The following CBX5 variants were observed in gnomAD, a reference collection of about 807,000 sequenced individuals.
CBX5 encodes the protein chromobox protein homolog 5.
In CBX5, 7 loss-of-function variants were observed where a neutral mutation model predicts 20.7. The ratio of observed to expected loss-of-function variants is 0.34; its 90% CI spans 0.19 to 0.63. The LOEUF (loss-of-function observed/expected upper bound fraction) is 0.63. CBX5 is among the 30% of genes least tolerant of loss of function. The pLI, the probability that CBX5 is intolerant of heterozygous loss-of-function variation, is 0.75. For missense variants in CBX5, 110 were observed against 224.1 expected, an observed-to-expected ratio of 0.49 and a Z score of 3.25; for synonymous variants, 78 against 77.0, an observed-to-expected ratio of 1.01 and a Z score of -0.07.
intron 1 of CBX5, among the ~76,000 whole-genome samples, chr12:54,264,535 C>A (rs575061984): frequency 6.6e-6 from 1 of 152,184 alleles, no homozygotes. Flanking sequence ...TTTCACTAAG[C>A]TTTCTTCTTA....
intron 3 of CBX5, among the ~76,000 whole-genome samples, chr12:54,250,811 CAAAAAAAAAAAAAAAAAAAAA>C (rs1164585269): frequency 1.5e-4 from 6 of 39,334 alleles, no homozygotes; most frequent in African/African-American, 4.9e-4. Flanking sequence ...GACTCCGTCT[CAAAAAAAAAAAAAAAAAAAAA>C]AAAAAAAAAA....
In CBX5 at chr12:54,257,239, A is replaced by G. The variant is rs570641349; in HGVS notation, c.137+275T>C. On this transcript the variant is annotated intron_variant, in intron 2 of 4. Coordinates refer to ENST00000209875, the MANE Select transcript of CBX5 (RefSeq NM_012117.3). ...TAGCCAAGGCCATCCAGTTTGTATC[A>G]TAAGTGGTGGAGTTAGAATCTAGAC... Among the ~76,000 whole-genome samples the G allele has an allele frequency of 2.4e-4, 37 of 152,302 alleles. No individual in the cohort carries two copies. In the East Asian group the frequency reaches 3.7e-3, roughly 15 times the overall value.
At chr12:54,261,778 A>C (rs1388226410) in intron 1 of CBX5, among the ~76,000 whole-genome samples, 1 of 152,218 alleles carries the variant, frequency 6.6e-6, no homozygotes, top group Non-Finnish European at 1.5e-5. Context: ...ATCCTGAGTA[A>C]ATAAATTTTC....
At chr12:54,251,974 TTTTA>T in intron 3 of CBX5, 63 bp downstream of exon 3, 1 of 1,360,918 alleles carries the variant, frequency 7.3e-7, no homozygotes, top group East Asian at 2.5e-5. Flanking sequence ...AATATGATAC[TTTTA>T]TTTATTATTA....
rs760745249 is a variant in CBX5 at position 54,246,257 on chromosome 12, A to G, written c.325-42T>C. ...AAGAAAGGTTACAGCTTGTGGAAAG[A>G]GTAAAGAAACTCCCTGCTTCTAGGC... On this transcript the variant is annotated intron_variant, in intron 3 of 4. Coordinates refer to ENST00000209875, the MANE Select transcript of CBX5 (RefSeq NM_012117.3). 4 of 1,438,698 alleles carry G rather than the reference A, an allele frequency of 2.8e-6. No homozygotes were observed. The African/African-American group carries it at 4.2e-5, about 15-fold the overall frequency. 89.1% of individuals were successfully genotyped at this position (1,438,698 alleles called of 1,614,324 possible).
At position 54,232,476 on chromosome 12, in the gene CBX5, G is replaced by A. The variant is rs1321032947; in HGVS notation, c.*9279C>T. ...TAGGTCAGTATTATTAACCCCATTT[G>A]ACAGATGGGGAACTGAGGCATTGAA... On this transcript the variant is annotated 3_prime_UTR_variant, in exon 5 of 5. Transcript: ENST00000209875. 6.6e-6 allele frequency: 1 copy of A among 152,124 alleles called. No individual in the cohort carries two copies. Among genetic ancestry groups the A allele is most frequent in the Non-Finnish European group, 1.5e-5 (1 of 68,040 alleles). 9.4% of individuals were successfully genotyped at this position (152,124 alleles called of 1,614,324 possible). A position where few individuals can be genotyped will look rare whatever the true frequency, so the allele number is the denominator to read the frequency against.
At chr12:54,265,048 G>A (rs1308061430) in intron 1 of CBX5, among the ~76,000 whole-genome samples, 1 of 152,234 alleles carries the variant, frequency 6.6e-6, no homozygotes, top group Non-Finnish European at 1.5e-5. Flanking sequence ...AGAGGAGAGC[G>A]CATATGCAAA....
chr12:54,236,938 T>C lies in CBX5; in HGVS notation c.*4817A>G, dbSNP rs952252810. ...AATGCCCTGTGGTTTGGCCTGAACA[T>C]AGGGAAAATGGACTGCTGGGTGGCT... On this transcript the variant is annotated 3_prime_UTR_variant, in exon 5 of 5. Transcript: ENST00000209875. The C allele has an allele frequency of 6.6e-6, 1 of 152,028 alleles. No individual in the cohort carries two copies. Among genetic ancestry groups the C allele is most frequent in the Non-Finnish European group, 1.5e-5 (1 of 67,992 alleles). 9.4% of individuals were successfully genotyped at this position (152,028 alleles called of 1,614,324 possible).
At chr12:54,254,331 C>CAAAAAA (rs34812446) in intron 2 of CBX5, among the ~76,000 whole-genome samples, 8 of 54,900 alleles carry the variant, frequency 1.5e-4, no homozygotes, top group South Asian at 6.8e-4. Context: ...AACTCCATCT[C>CAAAAAA]AAAAAAAAAA....
At chr12:54,252,979 C>CAAA (rs757909869) in intron 2 of CBX5, among the ~76,000 whole-genome samples, 15 of 47,100 alleles carry the variant, frequency 3.2e-4, no homozygotes, top group South Asian at 7.5e-4. Context: ...GACTCTGTCT[C>CAAA]AAAAAAAAAA....
At chr12:54,279,419 G>C (rs1027180022) in intron 1 of CBX5, among the ~76,000 whole-genome samples, 8 of 152,156 alleles carry the variant, frequency 5.3e-5, no homozygotes, top group South Asian at 2.1e-4. Flanking sequence ...ATGGGACTGA[G>C]GCCTAAAGGC....
Position 54,236,701 on chromosome 12 carries a change from T to A in CBX5, c.*5054A>T, listed in dbSNP as rs1244754194. The A allele has an allele frequency of 6.6e-6, 1 of 152,162 alleles. No individual in the cohort carries two copies. Among genetic ancestry groups the A allele is most frequent in the African/African-American group, 2.4e-5 (1 of 41,442 alleles). 9.4% of individuals were successfully genotyped at this position (152,162 alleles called of 1,614,324 possible). ...TGCAAAGTGGGTTTTTCCTTTAAAT[T>A]GTGAGAAACCATTTCCACATTTCAG... On this transcript the variant is annotated 3_prime_UTR_variant, in exon 5 of 5. Coordinates refer to ENST00000209875, the MANE Select transcript of CBX5 (RefSeq NM_012117.3).
chr12:54,267,656 C>T (rs1436251380), intron 1 of CBX5, among the ~76,000 whole-genome samples: 2 of 152,022 alleles, frequency 1.3e-5, no homozygotes, highest in African/African-American at 2.4e-5. Flanking sequence ...GAACTACAGG[C>T]GCCCGCCACC....
chr12:54,260,641 A>T (rs1943907515), intron 1 of CBX5, among the ~76,000 whole-genome samples: 1 of 152,136 alleles, frequency 6.6e-6, no homozygotes, highest in Non-Finnish European at 1.5e-5. Flanking sequence ...ACAGATTTTT[A>T]AATAATTATT....
chr12:54,242,179 T>C (rs973062305), intron 4 of CBX5, among the ~76,000 whole-genome samples: 1 of 152,214 alleles, frequency 6.6e-6, no homozygotes, highest in Non-Finnish European at 1.5e-5. Context: ...AATATTAATC[T>C]GCTTCCAAAA....
In CBX5 at chr12:54,267,227, G is replaced by C. The variant is rs1943965269; in HGVS notation, c.-42-9535C>G. ...AAAAATGGGTAACAGCAACATTTGAGTAGATTGTCATGAATCTTAGATTTA... is the reference window on the plus strand; with the variant it reads ...AAAAATGGGTAACAGCAACATTTGACTAGATTGTCATGAATCTTAGATTTA... On this transcript the variant is annotated intron_variant, in intron 1 of 4. Coordinates refer to ENST00000209875, the MANE Select transcript of CBX5 (RefSeq NM_012117.3). Among the ~76,000 whole-genome samples, 2 of 152,180 alleles carry C rather than the reference G, an allele frequency of 1.3e-5. 1 individual carries two copies.
intron 2 of CBX5, 139 bp from the exon 3 acceptor site, chr12:54,252,366 T>G: frequency 4.2e-6 from 2 of 478,968 alleles, no homozygotes; most frequent in Non-Finnish European, 7.0e-6. Context: ...ATAACAAATT[T>G]GATCCTAGAT....
chr12:54,250,811 CAAAAAAAAAAAAAAAAAAA>C (rs1164585269), intron 3 of CBX5, among the ~76,000 whole-genome samples: 7 of 39,350 alleles, frequency 1.8e-4, no homozygotes, highest in Non-Finnish European at 2.6e-4. Flanking sequence ...GACTCCGTCT[CAAAAAAAAAAAAAAAAAAA>C]AAAAAAAAAA....
chr12:54,278,788 T>A (rs1203096123), intron 1 of CBX5: 3 of 152,222 alleles, frequency 2.0e-5, no homozygotes, highest in African/African-American at 7.2e-5. Flanking sequence ...CCCTAAATAT[T>A]ACCCTCTTTG....
Sources: allele counts gnomAD v4.1 joint callset (sites outside exome capture counted in the v4.1 genomes callset), GRCh38; gene constraint gnomAD v4.1.1; transcripts MANE v1.5; gene names NCBI Gene and HGNC (gene_info 2026-07-23, HGNC 2026-07-21).